DACH2: variants seen among roughly 807,000 people sequenced by gnomAD.
DACH2 encodes the protein dachshund family transcription factor 2.
Under a neutral mutation model 35.8 loss-of-function variants are expected in DACH2, and 17 were observed. That is an observed-to-expected ratio of 0.48 (90% CI 0.33 to 0.71). The LOEUF is 0.71. Among genes scored for constraint, DACH2 ranks in the 30% least tolerant of loss-of-function variants. The probability of loss-of-function intolerance (pLI) is 0.02; values close to 1 mark genes in which losing one functional copy is unlikely to be tolerated. For synonymous variants in DACH2, 195 were observed against 177.3 expected (o/e 1.10, Z -0.79); for missense variants, 469 against 472.7 (o/e 0.99, Z 0.07).
At chrX:86,269,157 G>A (rs1468966513) in intron 1 of DACH2, among the ~76,000 whole-genome samples, 1 of 109,660 alleles carries the variant, frequency 9.1e-6, no homozygotes, top group Admixed American at 9.9e-5. Context: ...TCAGCCTCTG[G>A]TAACCAGCAT....
chrX:86,294,132 C>G (rs2034382610), intron 1 of DACH2, among the ~76,000 whole-genome samples: 1 of 111,095 alleles, frequency 9.0e-6, no homozygotes, highest in African/African-American at 3.3e-5. Flanking sequence ...TCTTTTTATT[C>G]TTTTTTCTCT....
At chrX:86,246,121 A>C (rs916580785) in intron 1 of DACH2, among the ~76,000 whole-genome samples, 5 of 111,853 alleles carry the variant, frequency 4.5e-5, no homozygotes, top group Middle Eastern at 4.2e-3. Context: ...AAAATAAAGA[A>C]AAAAGAATAA....
intron 3 of DACH2, among the ~76,000 whole-genome samples, chrX:86,579,154 A>G (rs1406953929): frequency 1.8e-5 from 2 of 108,349 alleles, no homozygotes; most frequent in East Asian, 2.9e-4. Flanking sequence ...GTGCAATGGC[A>G]CAATCTCGGC....
chrX:86,747,994 T>A (rs1224592517), intron 7 of DACH2, among the ~76,000 whole-genome samples: 1 of 112,378 alleles, frequency 8.9e-6, no homozygotes. Context: ...ATCAGGAGTA[T>A]ATTCCGTCTC....
At chrX:86,675,747 GT>G (rs201773598) in intron 4 of DACH2, among the ~76,000 whole-genome samples, 5 of 108,856 alleles carry the variant, frequency 4.6e-5, no homozygotes, top group Admixed American at 3.9e-4. Context: ...GAAATTAAGA[GT>G]TTTTTTTTCT....
chrX:86,733,425 CT>C (rs2041555236), intron 6 of DACH2, among the ~76,000 whole-genome samples: 2 of 111,868 alleles, frequency 1.8e-5, no homozygotes, highest in Non-Finnish European at 3.8e-5. Flanking sequence ...GTTGGCTCAA[CT>C]ATTAGCATGT....
intron 4 of DACH2, among the ~76,000 whole-genome samples, chrX:86,665,145 CA>C (rs1322309724): frequency 8.9e-6 from 1 of 112,127 alleles, no homozygotes; most frequent in Non-Finnish European, 1.9e-5. Flanking sequence ...AGCACATCAG[CA>C]TGCCATTTAT....
intron 3 of DACH2, among the ~76,000 whole-genome samples, chrX:86,564,279 A>AT (rs397896468): frequency 0.011 from 1,200 of 111,385 alleles, 8 homozygotes; most frequent in Non-Finnish European, 0.018. Flanking sequence ...CTGCAATTAT[A>AT]TTTTTTCTCA....
intron 1 of DACH2, among the ~76,000 whole-genome samples, chrX:86,272,591 C>G (rs1428578725): frequency 9.0e-6 from 1 of 111,517 alleles, no homozygotes; most frequent in Non-Finnish European, 1.9e-5. Flanking sequence ...ATAGAGAGAT[C>G]TCTAGTTCTT....
chrX:86,571,421 A>G (rs1346175431), intron 3 of DACH2, among the ~76,000 whole-genome samples: 2 of 110,213 alleles, frequency 1.8e-5, no homozygotes, highest in South Asian at 7.7e-4. Context: ...AGCATTAGGT[A>G]TATCTCCTAA....
chrX:86,420,533 T>C (rs1019210442), intron 2 of DACH2, among the ~76,000 whole-genome samples: 2 of 111,579 alleles, frequency 1.8e-5, no homozygotes, highest in African/African-American at 6.5e-5. Context: ...CAAACAGTTT[T>C]CTTTTTGTAA....
chrX:86,398,797 G>A (rs1341973389), intron 2 of DACH2, among the ~76,000 whole-genome samples: 4 of 111,626 alleles, frequency 3.6e-5, no homozygotes, highest in Non-Finnish European at 7.5e-5. Context: ...GCTGAGGAGT[G>A]CTTTACTTCC....
At chrX:86,427,617 T>A (rs1452429624) in intron 2 of DACH2, among the ~76,000 whole-genome samples, 1 of 111,459 alleles carries the variant, frequency 9.0e-6, no homozygotes, top group Non-Finnish European at 1.9e-5. Context: ...AAACTAGAGC[T>A]GATTCTACAT....
chrX:86,310,115 C>T (rs923940681), intron 1 of DACH2, among the ~76,000 whole-genome samples: 1 of 112,132 alleles, frequency 8.9e-6, no homozygotes, highest in Non-Finnish European at 1.9e-5. Flanking sequence ...CAGCTCTTGA[C>T]CTGTTACTGG....
At chrX:86,386,654 T>C (rs979789548) in intron 2 of DACH2, among the ~76,000 whole-genome samples, 1 of 111,597 alleles carries the variant, frequency 9.0e-6, no homozygotes, top group Non-Finnish European at 1.9e-5. Context: ...ATTGCTTAAA[T>C]TGTTTCAGCT....
At chrX:86,278,590 T>G (rs1179659741) in intron 1 of DACH2, among the ~76,000 whole-genome samples, 1 of 112,652 alleles carries the variant, frequency 8.9e-6, no homozygotes, top group Non-Finnish European at 1.9e-5. Context: ...AAAAATTCAC[T>G]GTGCAAAACC....
At chrX:86,271,640 T>G (rs1452445912) in intron 1 of DACH2, among the ~76,000 whole-genome samples, 1 of 111,641 alleles carries the variant, frequency 9.0e-6, no homozygotes, top group Non-Finnish European at 1.9e-5. Flanking sequence ...TGTTCCAAAA[T>G]GTACATTTTG....
chrX:86,188,071 A>G (rs1414304315), intron 1 of DACH2, among the ~76,000 whole-genome samples: 2 of 111,943 alleles, frequency 1.8e-5, no homozygotes, highest in East Asian at 5.6e-4. Flanking sequence ...TTAACCCCTA[A>G]GAAAGTGAGC....
At chrX:86,739,721 T>C in intron 6 of DACH2, 26 bp from the exon 7 acceptor site, 1 of 1,164,885 alleles carries the variant, frequency 8.6e-7, no homozygotes, top group Non-Finnish European at 1.1e-6. Context: ...AGATGACATT[T>C]CCTTTTGTGT....
Sources: allele counts gnomAD v4.1 joint callset (sites outside exome capture counted in the v4.1 genomes callset), GRCh38; gene constraint gnomAD v4.1.1; transcripts MANE v1.5; gene names NCBI Gene and HGNC (gene_info 2026-07-23, HGNC 2026-07-21).